Variants in PATJ observed in about 807,000 individuals in gnomAD.
PATJ encodes inaD-like protein.
A neutral mutation model predicts 224.9 loss-of-function variants in PATJ; 190 were observed. That is an observed-to-expected ratio of 0.84 (90% CI 0.75 to 0.95). The LOEUF is 0.95. PATJ is among the 40% of genes least tolerant of loss of function. The probability of loss-of-function intolerance (pLI) is 0.00; values close to 1 mark genes in which losing one functional copy is unlikely to be tolerated. For missense variants in PATJ, 2,121 were observed against 2,270.3 expected (o/e 0.93, Z 1.34); for synonymous variants, 769 against 820.3 (o/e 0.94, Z 1.07).
chr1:61,919,013 A>G (rs1287996491), intron 26 of PATJ, among the ~76,000 whole-genome samples: 1 of 152,174 alleles, frequency 6.6e-6, no homozygotes. Flanking sequence ...TGAAAAATAA[A>G]TTGTAAAAAA....
chr1:61,943,694 T>C (rs1347194841), intron 27 of PATJ, among the ~76,000 whole-genome samples: 1 of 152,194 alleles, frequency 6.6e-6, no homozygotes, highest in Non-Finnish European at 1.5e-5. Context: ...CAGAAACTTC[T>C]GCAGACTTAA....
At chr1:61,750,476 C>T (rs1403469656) in intron 1 of PATJ, among the ~76,000 whole-genome samples, 2 of 101,094 alleles carry the variant, frequency 2.0e-5, no homozygotes, top group African/African-American at 8.1e-5. Flanking sequence ...TCTATTTTTG[C>T]CCAGGCTGGA....
At chr1:62,141,311 T>C (rs1667469924) in intron 41 of PATJ, among the ~76,000 whole-genome samples, 3 of 152,086 alleles carry the variant, frequency 2.0e-5, no homozygotes, top group African/African-American at 7.2e-5. Flanking sequence ...ATCTGTAATA[T>C]GGAAATAATA....
chr1:61,856,306 A>C, intron 18 of PATJ, 67 bp downstream of exon 18: 1 of 1,302,088 alleles, frequency 7.7e-7, no homozygotes. Context: ...TGGATTTTGG[A>C]GACACATATA....
At chr1:62,007,733 C>G (rs923649218) in intron 28 of PATJ, among the ~76,000 whole-genome samples, 3 of 152,182 alleles carry the variant, frequency 2.0e-5, no homozygotes, top group African/African-American at 7.2e-5. Context: ...TGAGGGCTGT[C>G]TTCCTGGTTT....
rs779739342 is a variant in PATJ, at chr1:62,128,064, C to T, written c.5136C>T (p.Ser1712=). 4.2e-5 allele frequency: 67 copies of T among 1,613,954 alleles called. No homozygotes were observed. Among genetic ancestry groups the T allele is most frequent in the Non-Finnish European group, 4.8e-5 (57 of 1,179,990 alleles). The stretch of plus-strand genomic sequence containing the variant: ...TATTTATTGCCATGATTCAGGCTAG[C>T]GGAGTGGCCGCACGGACACAGAAGC... ...IPVFIAMIQA[S]GVAARTQKLK... Residue 1712 remains serine (S), a synonymous_variant, in exon 40 of 44, where the codon AGC becomes AGT. Coordinates refer to ENST00000642238, the MANE Select transcript of PATJ (RefSeq NM_001350145.3).
chr1:61,782,989 A>C (rs11207835), intron 7 of PATJ, among the ~76,000 whole-genome samples: 5,157 of 152,258 alleles, frequency 0.034, 266 homozygotes, highest in African/African-American at 0.11. Context: ...GGTATGAAAC[A>C]GTTATAATAT....
At chr1:61,878,147 T>A (rs890383726) in intron 21 of PATJ, among the ~76,000 whole-genome samples, 2 of 152,222 alleles carry the variant, frequency 1.3e-5, no homozygotes, top group Non-Finnish European at 2.9e-5. Context: ...TGTAGCTGGA[T>A]GGGACATAGA....
intron 7 of PATJ, among the ~76,000 whole-genome samples, chr1:61,782,852 A>G (rs547567914): frequency 7.2e-4 from 110 of 152,200 alleles, no homozygotes; most frequent in African/African-American, 2.6e-3. Context: ...GCAGTGTAAA[A>G]CCCTTGAAGT....
At position 61,990,271 on chromosome 1, in the gene PATJ, C is replaced by G; in HGVS notation, c.3774C>G (p.Asp1258Glu). Residue 1258 changes from aspartate (D) to glutamate (E), a missense_variant, in exon 28 of 44, where the codon GAC becomes GAG. Physicochemically the swap from Asp to Glu is conservative, Grantham distance 45. Coordinates refer to ENST00000642238, the MANE Select transcript of PATJ (RefSeq NM_001350145.3). ...GACTCAGCCTTGCTGGTAATAAAGA[C>G]CGATCACGCATGAGCATATTTGTGG... ...GLGLSLAGNK[D>E]RSRMSIFVVG... is the part of the protein sequence containing the mutation. 1 of 1,613,930 alleles carries G rather than the reference C, an allele frequency of 6.2e-7. No individual in the cohort carries two copies. The highest frequency in any genetic ancestry group is 8.5e-7 in the Non-Finnish European group (1 of 1,179,914).
chr1:62,079,311 T>C, intron 31 of PATJ, 139 bp from the exon 32 acceptor site: 1 of 608,154 alleles, frequency 1.6e-6, no homozygotes, highest in Non-Finnish European at 2.9e-6. Flanking sequence ...TCCTAACTTC[T>C]TGCCACCCTC....
chr1:61,951,177 T>C (rs1243845964), intron 27 of PATJ, among the ~76,000 whole-genome samples: 1 of 136,746 alleles, frequency 7.3e-6, no homozygotes, highest in African/African-American at 2.7e-5. Context: ...CAACTCTGTC[T>C]AAAAAAAAAA....
chr1:61,917,171 C>T (rs1264473325), intron 26 of PATJ, among the ~76,000 whole-genome samples: 1 of 152,102 alleles, frequency 6.6e-6, no homozygotes, highest in Non-Finnish European at 1.5e-5. Context: ...TGGAAAAGAG[C>T]TGTTACCATC....
chr1:61,801,806 C>T (rs377513809), intron 12 of PATJ, 37 bp downstream of exon 12: 404 of 1,408,046 alleles, frequency 2.9e-4, no homozygotes, highest in Non-Finnish European at 3.6e-4. Flanking sequence ...TAACAGACTT[C>T]TTCATTTGTT....
intron 27 of PATJ, among the ~76,000 whole-genome samples, chr1:61,985,569 A>G (rs772030507): frequency 6.6e-6 from 1 of 152,090 alleles, no homozygotes; most frequent in Non-Finnish European, 1.5e-5. Context: ...CAGAAACTAC[A>G]GAAAGGGTTT....
At chr1:61,849,964 C>T (rs948181012) in intron 17 of PATJ, among the ~76,000 whole-genome samples, 8 of 152,172 alleles carry the variant, frequency 5.3e-5, no homozygotes, top group Non-Finnish European at 1.0e-4. Flanking sequence ...TTCTTATTTC[C>T]TAAATGCCTC....
At chr1:62,096,503 A>G (rs539403414) in intron 33 of PATJ, among the ~76,000 whole-genome samples, 1 of 152,266 alleles carries the variant, frequency 6.6e-6, no homozygotes, top group South Asian at 2.1e-4. Flanking sequence ...GGGAAAAATA[A>G]TCTAAAATAT....
chr1:61,768,562 G>A (rs1488954001), intron 4 of PATJ, among the ~76,000 whole-genome samples: 2 of 151,884 alleles, frequency 1.3e-5, no homozygotes, highest in Admixed American at 6.6e-5. Flanking sequence ...GTTCTGACAG[G>A]CTAAATACTG....
chr1:62,084,125 G>A (rs1659637714), intron 32 of PATJ, among the ~76,000 whole-genome samples: 1 of 152,148 alleles, frequency 6.6e-6, no homozygotes, highest in Non-Finnish European at 1.5e-5. Context: ...ATGGTGGTGG[G>A]TGCCTGTAAT....
Sources: gnomAD v4.1 joint callset for allele counts (sites outside exome capture counted in the v4.1 genomes callset) on GRCh38, gnomAD v4.1.1 for gene constraint, MANE v1.5 for transcripts, NCBI Gene and HGNC (gene_info 2026-07-23, HGNC 2026-07-21) for gene names.